Variants in MACO1 observed in about 807,000 individuals in gnomAD.
MACO1 encodes macoilin 1, also known as macoilin.
MACO1 carries 14 observed loss-of-function variants against 78.7 expected under a neutral mutation model. The observed-to-expected ratio is 0.18, with a 90% CI of 0.12 to 0.28. The LOEUF (loss-of-function observed/expected upper bound fraction) is 0.28. MACO1 is among the 10% of genes least tolerant of loss of function. The pLI, the probability that MACO1 is intolerant of heterozygous loss-of-function variation, is 1.00. For missense variants in MACO1, 501 were observed against 799.0 expected (o/e 0.63, Z 4.50); for synonymous variants, 288 against 291.6 (o/e 0.99, Z 0.12).
At position 25,454,488 on chromosome 1, in the gene MACO1, A is replaced by ATATATATATATATT. The variant is rs1441909435; in HGVS notation, c.473+107_473+108insATATATATATATTT. ...TGTGTGTGTATATATATATATATAT[A>ATATATATATATATT]TTTTTTTTTTTTTTAGACGGAGTCT... On this transcript the variant is annotated intron_variant, in intron 4 of 10. Coordinates refer to ENST00000374343, the MANE Select transcript of MACO1 (RefSeq NM_018202.6). 282 of 72,170 alleles carry ATATATATATATATT rather than the reference A, an allele frequency of 3.9e-3. 3 individuals are homozygous for ATATATATATATATT. Among genetic ancestry groups the ATATATATATATATT allele is most frequent in the Middle Eastern group, 0.019 (2 of 108 alleles). The allele number at this position is 72,170 out of a possible 1,614,324, so 4.5% of individuals were successfully genotyped here. A position where few individuals can be genotyped will look rare whatever the true frequency, so the allele number is the denominator to read the frequency against.
At chr1:25,448,530 T>A (rs1423479772) in intron 2 of MACO1, among the ~76,000 whole-genome samples, 2 of 152,236 alleles carry the variant, frequency 1.3e-5, no homozygotes, top group African/African-American at 4.8e-5. Flanking sequence ...GGAATCCAAA[T>A]GAATTCACTG....
At chr1:25,454,988 T>C (rs1295461706) in intron 4 of MACO1, among the ~76,000 whole-genome samples, 1 of 152,110 alleles carries the variant, frequency 6.6e-6, no homozygotes, top group Non-Finnish European at 1.5e-5. Context: ...CTCTAAGCCA[T>C]GGTTTTCTTA....
At chr1:25,491,884 A>G (rs1317716007) in intron 10 of MACO1, among the ~76,000 whole-genome samples, 3 of 152,212 alleles carry the variant, frequency 2.0e-5, no homozygotes, top group Admixed American at 6.5e-5. Context: ...GTGCTTAGGT[A>G]TAAGTATATA....
At chr1:25,435,149 C>T (rs1300437451) in intron 1 of MACO1, among the ~76,000 whole-genome samples, 1 of 152,104 alleles carries the variant, frequency 6.6e-6, no homozygotes, top group African/African-American at 2.4e-5. Flanking sequence ...ATGTTTTAAG[C>T]TTCTGGGAAT....
chr1:25,434,627 T>G (rs913271062), intron 1 of MACO1, among the ~76,000 whole-genome samples: 2 of 152,240 alleles, frequency 1.3e-5, no homozygotes, highest in African/African-American at 4.8e-5. Flanking sequence ...AACAGCTGTA[T>G]TTTGCTCTGT....
chr1:25,463,981 A>G (rs1379442020), intron 6 of MACO1, among the ~76,000 whole-genome samples: 1 of 152,114 alleles, frequency 6.6e-6, no homozygotes, highest in African/African-American at 2.4e-5. Context: ...CATTTGTTAC[A>G]CAGACGAACC....
chr1:25,455,646 A>G (rs1172765402), intron 4 of MACO1, among the ~76,000 whole-genome samples: 1 of 152,206 alleles, frequency 6.6e-6, no homozygotes, highest in Non-Finnish European at 1.5e-5. Context: ...TTAACTTTCT[A>G]TCCCAGAGAT....
chr1:25,464,531 G>T (rs2043199298), intron 6 of MACO1, among the ~76,000 whole-genome samples: 1 of 151,810 alleles, frequency 6.6e-6, no homozygotes, highest in Admixed American at 6.6e-5. Flanking sequence ...TTTTGGTAGA[G>T]ATGGGGTTTC....
intron 6 of MACO1, among the ~76,000 whole-genome samples, chr1:25,460,783 A>C (rs1205355497): frequency 6.6e-6 from 1 of 152,148 alleles, no homozygotes; most frequent in Non-Finnish European, 1.5e-5. Context: ...CCCCGTGCCT[A>C]CACCTAAGGA....
At position 25,479,932 on chromosome 1, in the gene MACO1, C is replaced by T. The variant is rs78281579; in HGVS notation, c.1155-4184C>T. On this transcript the variant is annotated intron_variant, in intron 6 of 10. Coordinates refer to ENST00000374343, the MANE Select transcript of MACO1 (RefSeq NM_018202.6). ...CCAATATTAAATATATTTACATGTACGAAGAAATAGAAAAAAACATACAGA... is the reference window on the plus strand; with the variant it reads ...CCAATATTAAATATATTTACATGTATGAAGAAATAGAAAAAAACATACAGA... Among the ~76,000 whole-genome samples, 811 of 151,832 alleles carry T rather than the reference C, an allele frequency of 5.3e-3. 2 individuals carry two copies. Among genetic ancestry groups the T allele is most frequent in the Middle Eastern group, 0.044 (13 of 294 alleles).
At chr1:25,474,675 C>T (rs2043304165) in intron 6 of MACO1, among the ~76,000 whole-genome samples, 1 of 152,186 alleles carries the variant, frequency 6.6e-6, no homozygotes, top group South Asian at 2.1e-4. Flanking sequence ...TCAAACTATA[C>T]TGTGCAGAGA....
Position 25,465,428 on chromosome 1 carries a change from G to A in MACO1, c.1154+6536G>A, listed in dbSNP as rs554739801. Among the ~76,000 whole-genome samples the A allele has an allele frequency of 4.6e-5, 7 of 152,304 alleles. No homozygotes were observed. The East Asian group carries it at 1.3e-3, about 29-fold the overall frequency. On this transcript the variant is annotated intron_variant, in intron 6 of 10. Coordinates refer to ENST00000374343, the MANE Select transcript of MACO1 (RefSeq NM_018202.6). ...GCATTCCCACCAGCAATGAATGGGA[G>A]TTCCTGTAAATCCTGGCCAGCACTT...
chr1:25,484,933 C>T (rs1411854582), intron 7 of MACO1, among the ~76,000 whole-genome samples: 1 of 152,146 alleles, frequency 6.6e-6, no homozygotes, highest in African/African-American at 2.4e-5. Flanking sequence ...AGGCAAATAA[C>T]CTCTCCATTG....
At chr1:25,451,483 A>C (rs2043065561) in intron 3 of MACO1, among the ~76,000 whole-genome samples, 1 of 152,144 alleles carries the variant, frequency 6.6e-6, no homozygotes. Flanking sequence ...TAATGTGCTT[A>C]TTATGTTTAT....
chr1:25,494,827 C>T (rs1244358869), intron 10 of MACO1, among the ~76,000 whole-genome samples: 1 of 152,104 alleles, frequency 6.6e-6, no homozygotes, highest in Non-Finnish European at 1.5e-5. Flanking sequence ...TGAAGGTACT[C>T]CCCAGAAACC....
rs1207584050 is a variant in MACO1 at position 25,456,841 on chromosome 1, T to C, written c.652+10T>C. ...AAAGAGGCCGAGGAAGGTAGGTCTT[T>C]ACCCTAAAGCTGTTGGCTCAATAGG... On this transcript the variant is annotated intron_variant, in intron 5 of 10. Coordinates refer to ENST00000374343, the MANE Select transcript of MACO1 (RefSeq NM_018202.6). The C allele has an allele frequency of 3.8e-6, 6 of 1,598,390 alleles. No homozygotes were observed. The highest frequency in any genetic ancestry group is 4.3e-6 in the Non-Finnish European group (5 of 1,175,166).
At chr1:25,460,529 T>C (rs1032855289) in intron 6 of MACO1, among the ~76,000 whole-genome samples, 4 of 152,026 alleles carry the variant, frequency 2.6e-5, no homozygotes, top group African/African-American at 7.2e-5. Flanking sequence ...CTCATCCTCC[T>C]GTGTAGCTGG....
chr1:25,460,519 C>G (rs2043161744), intron 6 of MACO1, among the ~76,000 whole-genome samples: 1 of 152,040 alleles, frequency 6.6e-6, no homozygotes, highest in African/African-American at 2.4e-5. Context: ...TTCCTCCCAC[C>G]TCATCCTCCT....
chr1:25,438,121 A>G (rs186103886), intron 1 of MACO1, among the ~76,000 whole-genome samples: 124 of 152,324 alleles, frequency 8.1e-4, no homozygotes, highest in Non-Finnish European at 1.5e-3. Flanking sequence ...AAGGACAGGT[A>G]TTGTAACCTA....
Sources: gnomAD v4.1 joint callset for allele counts (sites outside exome capture counted in the v4.1 genomes callset) on GRCh38, gnomAD v4.1.1 for gene constraint, MANE v1.5 for transcripts, NCBI Gene and HGNC (gene_info 2026-07-23, HGNC 2026-07-21) for gene names.